Variants in ANTXR2 observed in about 807,000 individuals in gnomAD.
ANTXR2 encodes ANTXR cell adhesion molecule 2, also known as anthrax toxin receptor 2.
A neutral mutation model predicts 73.7 loss-of-function variants in ANTXR2; 44 were observed. The observed-to-expected ratio is 0.60, with a 90% CI of 0.47 to 0.77. The LOEUF (loss-of-function observed/expected upper bound fraction) is 0.77, where lower values mean the gene tolerates loss of function less well. ANTXR2 is among the 30% of genes least tolerant of loss of function. The pLI, the probability that ANTXR2 is intolerant of heterozygous loss-of-function variation, is 0.00. For synonymous variants in ANTXR2, 217 were observed against 205.9 expected (o/e 1.05, Z -0.46); for missense variants, 604 against 592.5 (o/e 1.02, Z -0.20).
intron 16 of ANTXR2, among the ~76,000 whole-genome samples, chr4:79,926,986 T>TGTATGTGTATATATATACGTGTGC (rs1727831332): frequency 8.3e-6 from 1 of 120,104 alleles, no homozygotes; most frequent in Admixed American, 8.2e-5. Context: ...TACGTGTGCA[T>TGTATGTGTATATATATACGTGTGC]ATATGTGTAT....
chr4:80,059,028 G>A (rs1331440984), intron 3 of ANTXR2, among the ~76,000 whole-genome samples: 1 of 151,930 alleles, frequency 6.6e-6, no homozygotes, highest in Admixed American at 6.6e-5. Flanking sequence ...CCTGACTACT[G>A]GGGAAGCCCA....
Position 79,906,146 on chromosome 4 carries a change from C to T in ANTXR2, c.*1283G>A, listed in dbSNP as rs1208154452. 2 of 152,548 alleles carry T rather than the reference C, an allele frequency of 1.3e-5. No homozygotes were observed. 9.4% of individuals were successfully genotyped at this position (152,548 alleles called of 1,614,324 possible). ...TGCTCACGCTAACATAATTTGGCAT[C>T]GTCGACGTGACACGATGGTGGTTTT... On this transcript the variant is annotated 3_prime_UTR_variant, in exon 17 of 17. Transcript: ENST00000403729.
At chr4:79,911,661 C>A (rs1333272134) in intron 16 of ANTXR2, among the ~76,000 whole-genome samples, 1 of 151,706 alleles carries the variant, frequency 6.6e-6, no homozygotes, top group Non-Finnish European at 1.5e-5. Context: ...CTGTATTTCA[C>A]AAAGTAATTC....
chr4:79,908,535 C>T (rs938078873), intron 16 of ANTXR2, among the ~76,000 whole-genome samples: 1 of 152,014 alleles, frequency 6.6e-6, no homozygotes, highest in South Asian at 2.1e-4. Context: ...AGTGAAGAAA[C>T]AGAAAAGCAT....
chr4:80,057,674 T>C (rs941311679), intron 3 of ANTXR2, among the ~76,000 whole-genome samples: 10 of 150,980 alleles, frequency 6.6e-5, no homozygotes, highest in Admixed American at 2.7e-4. Context: ...AGCTTTCTAG[T>C]CATACTCATA....
rs1726948449 is a variant in ANTXR2, at chr4:79,907,191, T to C, written c.*238A>G. 3.6e-6 allele frequency: 2 copies of C among 559,438 alleles called. No homozygotes were observed. Among genetic ancestry groups the C allele is most frequent in the Non-Finnish European group, 6.2e-6 (2 of 320,682 alleles). 34.7% of individuals were successfully genotyped at this position (559,438 alleles called of 1,614,324 possible). ...GGTCAATGTTCCTCTTTATTTTCAA[T>C]GTCATAAATCATGAGTTACCACTGA... is the stretch of plus-strand genomic sequence containing the variant. On this transcript the variant is annotated 3_prime_UTR_variant, in exon 17 of 17. Coordinates refer to ENST00000403729, the MANE Select transcript of ANTXR2 (RefSeq NM_058172.6).
At chr4:79,946,750 G>A (rs1455175579) in intron 16 of ANTXR2, among the ~76,000 whole-genome samples, 3 of 152,004 alleles carry the variant, frequency 2.0e-5, no homozygotes, top group Non-Finnish European at 2.9e-5. Context: ...AGAAAAACAC[G>A]AATAGGTGAT....
rs139065272 is a variant in ANTXR2 at position 79,924,599 on chromosome 4, G to C, written c.1429-17132C>G. Among the ~76,000 whole-genome samples, 270 of 152,190 alleles carry C rather than the reference G, an allele frequency of 1.8e-3. 1 individual carries two copies. The highest frequency in any genetic ancestry group is 9.5e-3 in the South Asian group (46 of 4,830). On this transcript the variant is annotated intron_variant, in intron 16 of 16. Transcript: ENST00000403729. ...GTTCTTAATCTCTAATGCATTATCA[G>C]AGTTGTTCTTCTTTTGGCAAGAGAT...
intron 16 of ANTXR2, among the ~76,000 whole-genome samples, chr4:79,974,763 G>A (rs1379387900): frequency 6.6e-6 from 1 of 150,708 alleles, no homozygotes; most frequent in East Asian, 1.9e-4. Context: ...ACAAAAGTGT[G>A]AGCATATTGA....
intron 10 of ANTXR2, among the ~76,000 whole-genome samples, chr4:80,026,584 G>T (rs1484665834): frequency 2.6e-5 from 4 of 151,794 alleles, no homozygotes; most frequent in Non-Finnish European, 5.9e-5. Context: ...ACTTTTCATT[G>T]TCCAAATAAT....
rs200969323 is a variant in ANTXR2, at chr4:79,978,193, G to C, written c.1180-19C>G. 1.3e-5 allele frequency: 21 copies of C among 1,611,830 alleles called. No individual in the cohort carries two copies. In the African/African-American group the frequency reaches 2.3e-4, roughly 17 times the overall value. On this transcript the variant is annotated intron_variant, in intron 14 of 16. Coordinates refer to ENST00000403729, the MANE Select transcript of ANTXR2 (RefSeq NM_058172.6). ...AACGAACCTGTAAAACAAAGGGAGAGTACTGTTATCAGACATAAAGTGTCC... is the reference window on the plus strand; with the variant it reads ...AACGAACCTGTAAAACAAAGGGAGACTACTGTTATCAGACATAAAGTGTCC...
At chr4:80,029,655 G>C (rs190413917) in intron 10 of ANTXR2, among the ~76,000 whole-genome samples, 116 of 151,688 alleles carry the variant, frequency 7.6e-4, no homozygotes, top group Non-Finnish European at 1.4e-3. Flanking sequence ...ACATGAAAAA[G>C]GTATACAGGT....
At chr4:80,012,025 T>C (rs559114999) in intron 11 of ANTXR2, among the ~76,000 whole-genome samples, 5 of 152,346 alleles carry the variant, frequency 3.3e-5, no homozygotes, top group African/African-American at 7.2e-5. Flanking sequence ...CTGCTGCCCT[T>C]GCAACATAAC....
intron 16 of ANTXR2, among the ~76,000 whole-genome samples, chr4:79,917,686 G>C (rs900085638): frequency 1.3e-5 from 2 of 152,092 alleles, no homozygotes; most frequent in African/African-American, 4.8e-5. Flanking sequence ...CTAAAAATAA[G>C]TAAGAGTAAA....
intron 16 of ANTXR2, among the ~76,000 whole-genome samples, chr4:79,935,448 T>A (rs548183900): frequency 6.6e-6 from 1 of 151,558 alleles, no homozygotes; most frequent in South Asian, 2.1e-4. Flanking sequence ...TGACAAAGAG[T>A]TGGGGCCAGA....
rs1409116067 is a variant in ANTXR2 at position 79,905,386 on chromosome 4, G to A, written c.*2043C>T. On this transcript the variant is annotated 3_prime_UTR_variant, in exon 17 of 17. Coordinates refer to ENST00000403729, the MANE Select transcript of ANTXR2 (RefSeq NM_058172.6). ...CAATAACTCATTGCAGAAAGGGTTG[G>A]GTATACTATATCAGGCTTCCAAGTT... 1.3e-5 allele frequency: 2 copies of A among 152,134 alleles called. No homozygotes were observed. The highest frequency in any genetic ancestry group is 4.8e-5 in the African/African-American group (2 of 41,418). The allele number at this position is 152,134 out of a possible 1,614,324, so 9.4% of individuals were successfully genotyped here.
chr4:80,016,444 T>C (rs935617294), intron 11 of ANTXR2, among the ~76,000 whole-genome samples: 3 of 152,158 alleles, frequency 2.0e-5, no homozygotes, highest in Admixed American at 2.0e-4. Flanking sequence ...ATAAAACCTT[T>C]TTCTGGTACT....
chr4:79,981,183 T>A (rs1382819011), intron 14 of ANTXR2, among the ~76,000 whole-genome samples: 2 of 152,174 alleles, frequency 1.3e-5, no homozygotes, highest in Admixed American at 6.5e-5. Flanking sequence ...TGTTTGAAAA[T>A]GTTTAATGAT....
intron 7 of ANTXR2, among the ~76,000 whole-genome samples, chr4:80,046,126 T>C (rs955690200): frequency 9.2e-5 from 14 of 151,926 alleles, no homozygotes; most frequent in Non-Finnish European, 1.6e-4. Context: ...TCATACTCAT[T>C]GTCTTTTAGT....
Sources: gnomAD v4.1 joint callset for allele counts (sites outside exome capture counted in the v4.1 genomes callset) on GRCh38, gnomAD v4.1.1 for gene constraint, MANE v1.5 for transcripts, NCBI Gene and HGNC (gene_info 2026-07-23, HGNC 2026-07-21) for gene names.